Variants in PLEKHA7 observed in about 807,000 individuals in gnomAD.
The protein encoded by PLEKHA7 is pleckstrin homology domain-containing family A member 7.
A neutral mutation model predicts 170.0 loss-of-function variants in PLEKHA7; 104 were observed. The ratio of observed to expected loss-of-function variants is 0.61; its 90% confidence interval spans 0.52 to 0.72. The LOEUF is 0.72. PLEKHA7 is among the 30% of genes least tolerant of loss of function. The pLI is 0.00. For synonymous variants in PLEKHA7, 648 were observed against 660.8 expected, an observed-to-expected ratio of 0.98 and a Z score of 0.30; for missense variants, 1,615 against 1,671.7, an observed-to-expected ratio of 0.97 and a Z score of 0.59.
At chr11:16,992,861 G>A (rs1340587698) in intron 3 of PLEKHA7, among the ~76,000 whole-genome samples, 1 of 151,932 alleles carries the variant, frequency 6.6e-6, no homozygotes, top group Non-Finnish European at 1.5e-5. Flanking sequence ...TACAAAATGC[G>A]AAGAATAACA....
chr11:16,806,085 C>T (rs576844664), intron 13 of PLEKHA7, among the ~76,000 whole-genome samples: 1 of 152,322 alleles, frequency 6.6e-6, no homozygotes, highest in Admixed American at 6.5e-5. Flanking sequence ...TCTGTATCCT[C>T]AAAGCCCAGC....
At chr11:16,912,901 A>G (rs1858354153) in intron 3 of PLEKHA7, among the ~76,000 whole-genome samples, 1 of 152,192 alleles carries the variant, frequency 6.6e-6, no homozygotes, top group South Asian at 2.1e-4. Flanking sequence ...TGCCTAAGTG[A>G]GGGGACACAA....
intron 3 of PLEKHA7, among the ~76,000 whole-genome samples, chr11:16,939,256 T>C (rs1860515654): frequency 6.6e-6 from 1 of 151,814 alleles, no homozygotes; most frequent in Admixed American, 6.6e-5. Flanking sequence ...CCACTAAAAA[T>C]ACAAAAAATT....
intron 3 of PLEKHA7, among the ~76,000 whole-genome samples, chr11:16,889,411 AAAAAAAAAAAT>A (rs1856450987): frequency 1.7e-5 from 2 of 116,374 alleles, no homozygotes; most frequent in Admixed American, 1.9e-4. Context: ...AAAAAAAAAA[AAAAAAAAAAAT>A]ATATATATAT....
Position 16,826,139 on chromosome 11 carries a change from G to C in PLEKHA7, c.1324C>G (p.Gln442Glu). ...LAQVEHWARA[Q>E]KGDSRSLPLD... Reference sequence around the variant, plus strand: ...ACTCACCTCCTGCTATCCCCTTTCTGGGCCCTTGCCCAGTGCTCCACCTGG... The same window carrying C: ...ACTCACCTCCTGCTATCCCCTTTCTCGGCCCTTGCCCAGTGCTCCACCTGG... The change falls in exon 10 of 27, where the codon CAG (glutamine) becomes GAG (glutamate). Residue 442 changes from glutamine (Q) to glutamate (E), a missense_variant. Transcript: ENST00000531066. 6.2e-7 allele frequency: 1 copy of C among 1,614,078 alleles called. No individual in the cohort carries two copies. The highest frequency in any genetic ancestry group is 8.5e-7 in the Non-Finnish European group (1 of 1,179,964).
chr11:16,876,817 G>GTTGAAGGA (rs1855331381), intron 3 of PLEKHA7, among the ~76,000 whole-genome samples: 1 of 152,146 alleles, frequency 6.6e-6, no homozygotes, highest in Non-Finnish European at 1.5e-5. Flanking sequence ...ATTGTAATAT[G>GTTGAAGGA]AGCAGTGACT....
At position 16,783,735 on chromosome 11, in the gene PLEKHA7, T is replaced by G. The variant is rs893039128; in HGVS notation, c.3615A>C (p.Lys1205Asn). Reference protein sequence around the residue: ...SLEELQARYRKAEKIRNILAR... With the variant: ...SLEELQARYRNAEKIRNILAR... ...CGAGGATGTTGCGGATCTTCTCGGCTTTGCGGTACCGCGCCTGCAGCTCCT... is the reference window on the plus strand; with the variant it reads ...CGAGGATGTTGCGGATCTTCTCGGCGTTGCGGTACCGCGCCTGCAGCTCCT... Residue 1205 changes from lysine to asparagine, a missense_variant, in exon 25 of 27, where the codon AAA (lysine) becomes AAC (asparagine). Lys to Asn is a moderately conservative substitution (Grantham distance 94, BLOSUM62 0). Transcript: ENST00000531066. 1 of 1,495,876 alleles carries G rather than the reference T, an allele frequency of 6.7e-7. No individual in the cohort carries two copies. The highest frequency in any genetic ancestry group is 8.9e-7 in the Non-Finnish European group (1 of 1,127,442). The allele number at this position is 1,495,876 out of a possible 1,614,324, so 92.7% of individuals were successfully genotyped here. A position where few individuals can be genotyped will look rare whatever the true frequency, so the allele number is the denominator to read the frequency against.
intron 3 of PLEKHA7, among the ~76,000 whole-genome samples, chr11:16,970,141 G>A (rs1862620860): frequency 6.6e-6 from 1 of 152,154 alleles, no homozygotes; most frequent in Non-Finnish European, 1.5e-5. Context: ...TACAGAAAGG[G>A]GGTTTTCTCA....
intron 10 of PLEKHA7, among the ~76,000 whole-genome samples, chr11:16,825,233 A>G (rs1709858707): frequency 6.6e-6 from 1 of 152,226 alleles, no homozygotes; most frequent in Non-Finnish European, 1.5e-5. Flanking sequence ...AGGAGCACTG[A>G]CCACCTCCAG....
chr11:16,889,416 AAAAAAT>A (rs1209138391), intron 3 of PLEKHA7, among the ~76,000 whole-genome samples: 26 of 109,806 alleles, frequency 2.4e-4, no homozygotes, highest in African/African-American at 8.4e-4. Flanking sequence ...AAAAAAAAAA[AAAAAAT>A]ATATATATAT....
At chr11:16,944,802 G>A (rs373592604) in intron 3 of PLEKHA7, among the ~76,000 whole-genome samples, 21 of 152,218 alleles carry the variant, frequency 1.4e-4, no homozygotes, top group African/African-American at 4.6e-4. Context: ...TGATAATAAC[G>A]TTAATAACCA....
chr11:16,954,984 C>G (rs1275593937), intron 3 of PLEKHA7, among the ~76,000 whole-genome samples: 1 of 152,202 alleles, frequency 6.6e-6, no homozygotes, highest in Admixed American at 6.5e-5. Context: ...GCCACCATGC[C>G]TGGCCTCATG....
intron 3 of PLEKHA7, among the ~76,000 whole-genome samples, chr11:17,001,506 C>T (rs1864659946): frequency 1.3e-5 from 2 of 152,176 alleles, no homozygotes; most frequent in Non-Finnish European, 2.9e-5. Flanking sequence ...CGAGGACAAG[C>T]TCATCTCCCG....
intron 3 of PLEKHA7, among the ~76,000 whole-genome samples, chr11:16,990,711 C>A (rs572043836): frequency 3.3e-5 from 5 of 152,298 alleles, no homozygotes; most frequent in Admixed American, 3.3e-4. Flanking sequence ...ACCAAATACT[C>A]GTACTACCTA....
chr11:16,884,601 C>T (rs188654353), intron 3 of PLEKHA7, among the ~76,000 whole-genome samples: 64 of 152,058 alleles, frequency 4.2e-4, no homozygotes, highest in East Asian at 3.9e-3. Context: ...CATCACTGCA[C>T]TCCAGCCTGG....
chr11:16,975,607 T>C (rs1863010932), intron 3 of PLEKHA7, among the ~76,000 whole-genome samples: 1 of 152,134 alleles, frequency 6.6e-6, no homozygotes, highest in African/African-American at 2.4e-5. Flanking sequence ...CCCCAATGGA[T>C]GCCGAGAGAG....
At chr11:16,928,443 A>ATTTTT (rs764854359) in intron 3 of PLEKHA7, among the ~76,000 whole-genome samples, 3 of 138,818 alleles carry the variant, frequency 2.2e-5, no homozygotes, top group Non-Finnish European at 1.6e-5. Context: ...TTGCCCCCAG[A>ATTTTT]TTTTTTTTTT....
intron 24 of PLEKHA7, among the ~76,000 whole-genome samples, chr11:16,784,389 G>A (rs1849261460): frequency 6.6e-6 from 1 of 152,182 alleles, no homozygotes; most frequent in South Asian, 2.1e-4. Context: ...AATTCTCCCT[G>A]AATGGATGGA....
chr11:16,876,814 T>G (rs1855331050), intron 3 of PLEKHA7, among the ~76,000 whole-genome samples: 1 of 152,216 alleles, frequency 6.6e-6, no homozygotes, highest in Non-Finnish European at 1.5e-5. Context: ...TTGATTGTAA[T>G]ATGAGCAGTG....
Sources: gnomAD v4.1 joint callset for allele counts (sites outside exome capture counted in the v4.1 genomes callset) on GRCh38, gnomAD v4.1.1 for gene constraint, MANE v1.5 for transcripts, NCBI Gene and HGNC (gene_info 2026-07-23, HGNC 2026-07-21) for gene names.